Variants in KIF26B observed in about 807,000 individuals in gnomAD.
The protein encoded by KIF26B is kinesin family member 26B.
In KIF26B, 63 loss-of-function variants were observed where a neutral mutation model predicts 151.2. The ratio of observed to expected loss-of-function variants is 0.42; its 90% confidence interval spans 0.34 to 0.51. The LOEUF (loss-of-function observed/expected upper bound fraction) is 0.51. Among genes scored for constraint, KIF26B ranks in the 20% least tolerant of loss-of-function variants. The pLI is 0.07. For synonymous variants in KIF26B, 1,357 were observed against 1,262.1 expected, an observed-to-expected ratio of 1.08 and a Z score of -1.59; for missense variants, 2,813 against 2,913.6, an observed-to-expected ratio of 0.97 and a Z score of 0.79.
chr1:245,374,212 G>T (rs1673218428), intron 3 of KIF26B, among the ~76,000 whole-genome samples: 1 of 140,064 alleles, frequency 7.1e-6, no homozygotes, highest in Non-Finnish European at 1.5e-5. Flanking sequence ...GACCTCTGCG[G>T]TGCATAACAC....
chr1:245,471,226 G>A (rs537807634), intron 4 of KIF26B, among the ~76,000 whole-genome samples: 1 of 152,010 alleles, frequency 6.6e-6, no homozygotes, highest in East Asian at 1.9e-4. Context: ...CACCTCCCAG[G>A]TTCGTGCAGT....
intron 9 of KIF26B, among the ~76,000 whole-genome samples, chr1:245,619,311 C>T (rs2043631197): frequency 6.6e-6 from 1 of 152,274 alleles, no homozygotes; most frequent in South Asian, 2.1e-4. Context: ...GTGCTCAGGT[C>T]TCCTTTGTCC....
intron 2 of KIF26B, among the ~76,000 whole-genome samples, chr1:245,255,509 C>T (rs545221639): frequency 6.6e-6 from 1 of 152,308 alleles, no homozygotes; most frequent in Non-Finnish European, 1.5e-5. Flanking sequence ...TTCACATGCT[C>T]ATTCTCAAAA....
chr1:245,429,193 T>C (rs949373816), intron 4 of KIF26B, among the ~76,000 whole-genome samples: 1 of 152,162 alleles, frequency 6.6e-6, no homozygotes, highest in African/African-American at 2.4e-5. Context: ...AATGTGATAG[T>C]CCTTGGTAAA....
intron 6 of KIF26B, among the ~76,000 whole-genome samples, chr1:245,605,321 G>A (rs1014535463): frequency 6.6e-6 from 1 of 152,182 alleles, no homozygotes; most frequent in East Asian, 1.9e-4. Flanking sequence ...CCACAGGGTG[G>A]GCACCCCTGG....
chr1:245,407,572 G>A (rs1030881885), intron 3 of KIF26B, among the ~76,000 whole-genome samples: 2 of 151,738 alleles, frequency 1.3e-5, no homozygotes, highest in South Asian at 2.1e-4. Flanking sequence ...TGTATAAGCC[G>A]AAGCATCTTA....
intron 4 of KIF26B, among the ~76,000 whole-genome samples, chr1:245,504,759 T>G (rs74330957): frequency 0.049 from 7,467 of 151,948 alleles, 622 homozygotes; most frequent in African/African-American, 0.17. Context: ...TTTCCCTTCC[T>G]TCTCCTCTTA....
Position 245,602,499 on chromosome 1 carries a change from C to T in KIF26B, c.1351-78C>T, listed in dbSNP as rs1429459896. The T allele has an allele frequency of 1.8e-6, 2 of 1,122,176 alleles. No homozygotes were observed. The highest frequency in any genetic ancestry group is 2.6e-5 in the East Asian group (1 of 38,950). The allele number at this position is 1,122,176 out of a possible 1,614,324, so 69.5% of individuals were successfully genotyped here. A position where few individuals can be genotyped will look rare whatever the true frequency, so the allele number is the denominator to read the frequency against. Reference sequence around the variant, plus strand: ...TCAGTGCTGCCATGTGCATGTATATCGCAGAGTATACAAGGGTGCTCCATC... The same window carrying T: ...TCAGTGCTGCCATGTGCATGTATATTGCAGAGTATACAAGGGTGCTCCATC... On this transcript the variant is annotated intron_variant, in intron 5 of 14. Transcript: ENST00000407071. The surrounding 1 kb of genome is among the most constrained non-coding windows in gnomAD (Gnocchi z 4.5).
At chr1:245,650,170 ACT>A (rs2043999792) in intron 10 of KIF26B, among the ~76,000 whole-genome samples, 1 of 151,786 alleles carries the variant, frequency 6.6e-6, no homozygotes, top group African/African-American at 2.4e-5. Flanking sequence ...TGCACAAATT[ACT>A]CTCTAATTTT....
chr1:245,517,433 T>G (rs1434611457), intron 4 of KIF26B, among the ~76,000 whole-genome samples: 3 of 152,170 alleles, frequency 2.0e-5, no homozygotes, highest in Non-Finnish European at 4.4e-5. Context: ...AATACAAATG[T>G]TAATCTCTGT....
At chr1:245,696,361 A>G (rs1248950859) in intron 12 of KIF26B, among the ~76,000 whole-genome samples, 2 of 152,304 alleles carry the variant, frequency 1.3e-5, no homozygotes, top group East Asian at 3.9e-4. Context: ...GAGCTTAGAA[A>G]TGGAAGCTTC....
chr1:245,508,253 G>T (rs1381208349), intron 4 of KIF26B, among the ~76,000 whole-genome samples: 5 of 151,988 alleles, frequency 3.3e-5, no homozygotes, highest in Non-Finnish European at 5.9e-5. Flanking sequence ...TTTTATTGTT[G>T]TTGTTGAGAC....
At chr1:245,539,683 C>T (rs1468739335) in intron 4 of KIF26B, among the ~76,000 whole-genome samples, 3 of 152,178 alleles carry the variant, frequency 2.0e-5, no homozygotes, top group Admixed American at 1.3e-4. Flanking sequence ...GACGGAGTCT[C>T]ACTCTGTCAC....
chr1:245,625,309 T>C (rs557454301), intron 9 of KIF26B, among the ~76,000 whole-genome samples: 1 of 152,158 alleles, frequency 6.6e-6, no homozygotes, highest in Non-Finnish European at 1.5e-5. Flanking sequence ...AAAAAATTTC[T>C]ATCAAAGAAG....
intron 2 of KIF26B, among the ~76,000 whole-genome samples, chr1:245,211,033 A>G (rs1573710524): frequency 6.6e-6 from 1 of 152,130 alleles, no homozygotes; most frequent in Non-Finnish European, 1.5e-5. Flanking sequence ...TTAAGCTCAC[A>G]CCAAGGGAAT....
intron 10 of KIF26B, among the ~76,000 whole-genome samples, chr1:245,681,145 G>A (rs752043197): frequency 5.9e-5 from 9 of 151,678 alleles, no homozygotes; most frequent in African/African-American, 1.7e-4. Flanking sequence ...AAGAGGAAGC[G>A]CACAGGGCAG....
At chr1:245,289,824 C>G (rs1671226849) in intron 2 of KIF26B, among the ~76,000 whole-genome samples, 1 of 152,142 alleles carries the variant, frequency 6.6e-6, no homozygotes, top group Non-Finnish European at 1.5e-5. Context: ...TGTTATCCTC[C>G]TTTTGCCTGA....
chr1:245,244,914 G>A lies in KIF26B; in HGVS notation c.465+88231G>A, dbSNP rs1670290176. ...ATCATCATGACTGCTCATGATGGCA[G>A]TCAGTTTATCCAGATCACAAGTCAG... On this transcript the variant is annotated intron_variant, in intron 2 of 14. Transcript: ENST00000407071. This position sits in a 1 kb window ranked among gnomAD's most constrained non-coding sequence, Gnocchi z 4.2. 6.6e-6 allele frequency among the ~76,000 whole-genome samples: 1 copy of A among 152,100 alleles called. No homozygotes were observed.
intron 4 of KIF26B, among the ~76,000 whole-genome samples, chr1:245,426,350 C>T (rs1773779): frequency 0.12 from 18,956 of 152,130 alleles, 1,511 homozygotes; most frequent in African/African-American, 0.22. Context: ...CATCTCCATA[C>T]AGCGTCACTC....
Sources: allele counts gnomAD v4.1 joint callset (sites outside exome capture counted in the v4.1 genomes callset), GRCh38; gene constraint gnomAD v4.1.1; non-coding constraint Gnocchi (gnomAD v3.1); transcripts MANE v1.5; gene names NCBI Gene and HGNC (gene_info 2026-07-23, HGNC 2026-07-21).